FBXL3: variants seen among roughly 807,000 people sequenced by gnomAD.
The protein encoded by FBXL3 is F-box/LRR-repeat protein 3.
Under a neutral mutation model 37.9 loss-of-function variants are expected in FBXL3, and 14 were observed. That is an observed-to-expected ratio of 0.37 (90% CI 0.24 to 0.58). The LOEUF is 0.58. Among genes scored for constraint, FBXL3 ranks in the 20% least tolerant of loss-of-function variants. The pLI, the probability that FBXL3 is intolerant of heterozygous loss-of-function variation, is 0.74. For synonymous variants in FBXL3, 194 were observed against 180.1 expected, an observed-to-expected ratio of 1.08 and a Z score of -0.62; for missense variants, 327 against 511.1, an observed-to-expected ratio of 0.64 and a Z score of 3.47.
At chr13:77,019,906 A>C (rs745674517) in intron 2 of FBXL3, among the ~76,000 whole-genome samples, 2 of 151,946 alleles carry the variant, frequency 1.3e-5, no homozygotes, top group Non-Finnish European at 2.9e-5. Flanking sequence ...GTTATACTAG[A>C]TACACCTGAA....
At chr13:77,021,415 A>G in intron 2 of FBXL3, 98 bp downstream of exon 2, 1 of 933,352 alleles carries the variant, frequency 1.1e-6, no homozygotes, top group Non-Finnish European at 1.5e-6. Flanking sequence ...TTTTCCCTGA[A>G]AAAGCAAATA....
In FBXL3 at chr13:77,021,756, A is replaced by G. The variant is rs2034748004; in HGVS notation, c.105T>C (p.Asp35=). Reference sequence around the variant, plus strand: ...TAATGTCCTGAAGGAGATTACCCCAATCACAAGTCTGAGAATGCTCATTTG... The same window carrying G: ...TAATGTCCTGAAGGAGATTACCCCAGTCACAAGTCTGAGAATGCTCATTTG... The part of the protein sequence containing the change: ...RTTNEHSQTC[D]WGNLLQDIIL... Residue 35 remains aspartate (D), a synonymous_variant, in exon 2 of 5, where the codon GAT becomes GAC. Transcript: ENST00000355619. 4 of 1,613,800 alleles carry G rather than the reference A, an allele frequency of 2.5e-6. No individual in the cohort carries two copies. The highest frequency in any genetic ancestry group is 1.6e-4 in the Middle Eastern group (1 of 6,062).
chr13:77,021,904 GAATAGA>G (rs746463075), intron 1 of FBXL3, 43 bp from the exon 2 acceptor site: 12 of 1,468,242 alleles, frequency 8.2e-6, no homozygotes, highest in Non-Finnish European at 1.0e-5. Context: ...CTCAACTTTT[GAATAGA>G]AATAAACTCA....
At chr13:77,012,775 A>G (rs776754438) in intron 4 of FBXL3, 2 of 152,136 alleles carry the variant, frequency 1.3e-5, no homozygotes, top group Admixed American at 6.5e-5. Flanking sequence ...AAGTATTACA[A>G]GTGTTCTTTC....
chr13:77,023,341 A>AGT (rs1214289955), intron 1 of FBXL3, among the ~76,000 whole-genome samples: 2 of 139,776 alleles, frequency 1.4e-5, no homozygotes, highest in African/African-American at 5.8e-5. Context: ...ATGGAGAGAG[A>AGT]GAGAGTGTGT....
At chr13:77,020,482 C>A (rs75046251) in intron 2 of FBXL3, among the ~76,000 whole-genome samples, 1,636 of 152,182 alleles carry the variant, frequency 0.011, 25 homozygotes, top group African/African-American at 0.037. Context: ...TTACATTCTT[C>A]GAGGGAAGAC....
chr13:77,009,475 A>G (rs2034509401), intron 4 of FBXL3: 1 of 152,122 alleles, frequency 6.6e-6, no homozygotes, highest in Admixed American at 6.6e-5. Flanking sequence ...TTACAGGCAC[A>G]CGCCACCACG....
At position 77,005,895 on chromosome 13, in the gene FBXL3, T is replaced by TCC. The variant is rs1450328770; in HGVS notation, c.*1249_*1250insGG. On this transcript the variant is annotated 3_prime_UTR_variant, in exon 5 of 5. Coordinates refer to ENST00000355619, the MANE Select transcript of FBXL3 (RefSeq NM_012158.4). ...TTATATCATCTTTTAAAACTCAACA[T>TCC]TTTATAGACTCTACAATGCATGGAT... The TCC allele has an allele frequency of 6.6e-6, 1 of 152,486 alleles. No individual in the cohort carries two copies. The highest frequency in any genetic ancestry group is 1.5e-5 in the Non-Finnish European group (1 of 67,950). The allele number at this position is 152,486 out of a possible 1,614,324, so 9.4% of individuals were successfully genotyped here. A position where few individuals can be genotyped will look rare whatever the true frequency, so the allele number is the denominator to read the frequency against.
Position 77,005,687 on chromosome 13 carries a change from G to T in FBXL3, c.*1458C>A, listed in dbSNP as rs2034438629. 1 of 152,048 alleles carries T rather than the reference G, an allele frequency of 6.6e-6. No individual in the cohort carries two copies. The highest frequency in any genetic ancestry group is 1.5e-5 in the Non-Finnish European group (1 of 67,942). 9.4% of individuals were successfully genotyped at this position (152,048 alleles called of 1,614,324 possible). A position where few individuals can be genotyped will look rare whatever the true frequency, so the allele number is the denominator to read the frequency against. On this transcript the variant is annotated 3_prime_UTR_variant, in exon 5 of 5. Transcript: ENST00000355619. Reference sequence around the variant, plus strand: ...CACCTTTTGCTTTATTCTTAAGAAGGCCATCCGTTTTAAAAGTAGATCTAA... The same window carrying T: ...CACCTTTTGCTTTATTCTTAAGAAGTCCATCCGTTTTAAAAGTAGATCTAA...
At chr13:77,014,407 T>C (rs1178924216) in intron 4 of FBXL3, 3 of 152,234 alleles carry the variant, frequency 2.0e-5, no homozygotes, top group African/African-American at 7.2e-5. Flanking sequence ...ATATAAGAAC[T>C]AACTGCCAAA....
chr13:77,006,634 G>T lies in FBXL3; in HGVS notation c.*511C>A. The T allele has an allele frequency of 4.7e-6, 1 of 212,104 alleles. No individual in the cohort carries two copies. The highest frequency in any genetic ancestry group is 8.2e-6 in the Non-Finnish European group (1 of 122,000). The allele number at this position is 212,104 out of a possible 1,614,324, so 13.1% of individuals were successfully genotyped here. ...TATACCTTTTTCTTTAAACAGCTTT[G>T]TAACATTTGAGAACATTCATCCAAT... is the stretch of plus-strand genomic sequence containing the variant. On this transcript the variant is annotated 3_prime_UTR_variant, in exon 5 of 5. Transcript: ENST00000355619.
At chr13:77,017,129 T>A (rs1284287517) in intron 3 of FBXL3, 1 of 152,078 alleles carries the variant, frequency 6.6e-6, no homozygotes, top group African/African-American at 2.4e-5. Context: ...TACTTCAATC[T>A]TCTACCAAAG....
chr13:77,021,740 G>C lies in FBXL3; in HGVS notation c.121C>G (p.Gln41Glu). 3 of 1,613,680 alleles carry C rather than the reference G, an allele frequency of 1.9e-6. No homozygotes were observed. Among genetic ancestry groups the C allele is most frequent in the Non-Finnish European group, 2.5e-6 (3 of 1,179,894 alleles). Residue 41 changes from glutamine (Q) to glutamate (E), a missense_variant, in exon 2 of 5, where the codon CAG becomes GAG. Gln to Glu is a conservative substitution (Grantham distance 29). Coordinates refer to ENST00000355619, the MANE Select transcript of FBXL3 (RefSeq NM_012158.4). ...SQTCDWGNLL[Q>E]DIILQVFKYL... is the part of the protein sequence containing the mutation. ...TTAAATACTTGGAGAATAATGTCCT[G>C]AAGGAGATTACCCCAATCACAAGTC...
intron 1 of FBXL3, chr13:77,026,270 C>A (rs999195802): frequency 1.1e-5 from 11 of 985,442 alleles, no homozygotes; most frequent in Non-Finnish European, 1.3e-5. Context: ...GACGCGAATC[C>A]GCTCAACACA....
At position 77,018,599 on chromosome 13, in the gene FBXL3, C is replaced by T; in HGVS notation, c.471+1G>A. On this transcript the variant is annotated splice_donor_variant, in intron 3 of 4. Coordinates refer to ENST00000355619, the MANE Select transcript of FBXL3 (RefSeq NM_012158.4). LOFTEE classifies it high-confidence loss of function. ...GATAATAAAACAAAAACAGCAGATACCTTTGGTAAATCCATAAAGCTTGGT... is the reference window on the plus strand; with the variant it reads ...GATAATAAAACAAAAACAGCAGATATCTTTGGTAAATCCATAAAGCTTGGT... The T allele has an allele frequency of 6.4e-7, 1 of 1,571,506 alleles. No individual in the cohort carries two copies. Among genetic ancestry groups the T allele is most frequent in the Non-Finnish European group, 8.6e-7 (1 of 1,164,240 alleles).
chr13:77,007,312 T>TA lies in FBXL3; in HGVS notation c.1119dup (p.Ser374Ter). 1 of 1,614,154 alleles carries TA rather than the reference T, an allele frequency of 6.2e-7. No homozygotes were observed. Among genetic ancestry groups the TA allele is most frequent in the Non-Finnish European group, 8.5e-7 (1 of 1,180,014 alleles). On this transcript the variant is annotated frameshift_variant, in exon 5 of 5. Coordinates refer to ENST00000355619, the MANE Select transcript of FBXL3 (RefSeq NM_012158.4). LOFTEE classifies it high-confidence loss of function. Reference sequence around the variant, plus strand: ...ATCTTCACAAACTCAACAAAGGCACTACATGAGACTTCACATTCCCCTAGT... The same window carrying TA: ...ATCTTCACAAACTCAACAAAGGCACTAACATGAGACTTCACATTCCCCTAGT...
intron 4 of FBXL3, chr13:77,013,183 C>T (rs1379618246): frequency 1.3e-5 from 2 of 152,188 alleles, no homozygotes; most frequent in East Asian, 3.8e-4. Context: ...CAGACCTAAC[C>T]GACCCTATCT....
intron 2 of FBXL3, among the ~76,000 whole-genome samples, chr13:77,019,653 A>T (rs2034706006): frequency 6.6e-6 from 1 of 152,132 alleles, no homozygotes; most frequent in African/African-American, 2.4e-5. Context: ...TGGGACCAGC[A>T]ATTTTTGGCT....
chr13:77,014,654 G>A (rs1233015205), intron 4 of FBXL3: 1 of 152,174 alleles, frequency 6.6e-6, no homozygotes, highest in Non-Finnish European at 1.5e-5. Context: ...TTTTTGTAAA[G>A]ATCAAAGATT....
Sources: gnomAD v4.1 joint callset for allele counts (sites outside exome capture counted in the v4.1 genomes callset) on GRCh38, gnomAD v4.1.1 for gene constraint, MANE v1.5 for transcripts, NCBI Gene and HGNC (gene_info 2026-07-23, HGNC 2026-07-21) for gene names.